The following SLAIN2 variants were observed in gnomAD, a reference collection of about 807,000 sequenced individuals.
The protein encoded by SLAIN2 is SLAIN family member 2, also known as SLAIN motif-containing protein 2.
SLAIN2 carries 31 observed loss-of-function variants against 56.6 expected under a neutral mutation model. The observed-to-expected ratio is 0.55, with a 90% CI of 0.41 to 0.74. SLAIN2 has a LOEUF of 0.74. Among genes scored for constraint, SLAIN2 ranks in the 30% least tolerant of loss-of-function variants. The pLI is 0.00. For synonymous variants in SLAIN2, 317 were observed against 284.9 expected (o/e 1.11, Z -1.13); for missense variants, 777 against 754.2 (o/e 1.03, Z -0.35).
chr4:48,372,037 CATATACATATATACAT>C (rs1210714290), intron 2 of SLAIN2, among the ~76,000 whole-genome samples: 1,604 of 138,912 alleles, frequency 0.012, 23 homozygotes, highest in African/African-American at 0.045. Context: ...CATATATATA[CATATACATATATACAT>C]ATATATATAT....
chr4:48,344,693 CTT>C (rs895231523), intron 1 of SLAIN2, among the ~76,000 whole-genome samples: 1 of 145,834 alleles, frequency 6.9e-6, no homozygotes, highest in African/African-American at 2.5e-5. Context: ...TCATACTCTT[CTT>C]TTTTTTTTTG....
At chr4:48,393,880 G>GA (rs1413699977) in intron 6 of SLAIN2, among the ~76,000 whole-genome samples, 1 of 151,920 alleles carries the variant, frequency 6.6e-6, no homozygotes, top group Non-Finnish European at 1.5e-5. Context: ...TAGGAGTTTG[G>GA]AAAAAAGCTT....
chr4:48,401,321 A>G (rs1471038463), intron 6 of SLAIN2, among the ~76,000 whole-genome samples: 5 of 152,068 alleles, frequency 3.3e-5, no homozygotes, highest in Non-Finnish European at 7.4e-5. Context: ...TTCAGGTCCT[A>G]ATATCTTTGT....
chr4:48,410,641 A>C (rs1177119790), intron 6 of SLAIN2, among the ~76,000 whole-genome samples: 1 of 152,044 alleles, frequency 6.6e-6, no homozygotes, highest in East Asian at 1.9e-4. Context: ...CGCTTGCAGT[A>C]TCCTGCCCTC....
rs1449447645 is a variant in SLAIN2 at position 48,424,875 on chromosome 4, A to AGG, written c.*2798_*2799insGG. The AGG allele has an allele frequency of 6.6e-6, 1 of 152,102 alleles. No individual in the cohort carries two copies. The highest frequency in any genetic ancestry group is 1.9e-4 in the East Asian group (1 of 5,206). 9.4% of individuals were successfully genotyped at this position (152,102 alleles called of 1,614,324 possible). A position where few individuals can be genotyped will look rare whatever the true frequency, so the allele number is the denominator to read the frequency against. ...GTATGTTTAAATTAACTTTTTATTG[A>AGG]ATGTACAGGTGTCCATTTTTGACGT... On this transcript the variant is annotated 3_prime_UTR_variant, in exon 8 of 8. Coordinates refer to ENST00000264313, the MANE Select transcript of SLAIN2 (RefSeq NM_020846.2).
chr4:48,342,038 C>G lies in SLAIN2; in HGVS notation c.299C>G (p.Ala100Gly), dbSNP rs1243976318. The G allele has an allele frequency of 2.1e-6, 3 of 1,395,666 alleles. No individual in the cohort carries two copies. The African/African-American group carries it at 4.6e-5, about 21-fold the overall frequency. The allele number at this position is 1,395,666 out of a possible 1,614,324, so 86.5% of individuals were successfully genotyped here. A position where few individuals can be genotyped will look rare whatever the true frequency, so the allele number is the denominator to read the frequency against. ...ELRDATSLLA[A>G]GEGGLLDEVE... Reference sequence around the variant, plus strand: ...CGGGACGCCACCTCCTTGCTAGCGGCGGGCGAGGGCGGCTTGCTGGACGAG... The same window carrying G: ...CGGGACGCCACCTCCTTGCTAGCGGGGGGCGAGGGCGGCTTGCTGGACGAG... The change falls in exon 1 of 8, where the codon GCG (alanine) becomes GGG (glycine). Residue 100 changes from alanine (A) to glycine (G), a missense_variant. Transcript: ENST00000264313.
chr4:48,356,431 G>T (rs190966033), intron 1 of SLAIN2, among the ~76,000 whole-genome samples: 4 of 152,228 alleles, frequency 2.6e-5, no homozygotes, highest in Admixed American at 1.3e-4. Flanking sequence ...TAGCTGAAAA[G>T]ATCTGTACTA....
chr4:48,415,358 T>C (rs1461212309), intron 6 of SLAIN2, among the ~76,000 whole-genome samples: 1 of 65,988 alleles, frequency 1.5e-5, no homozygotes, highest in Admixed American at 1.5e-4. Context: ...AAATGTCTTC[T>C]TTTGAGAAGT....
At chr4:48,375,440 G>T (rs887901419) in intron 2 of SLAIN2, among the ~76,000 whole-genome samples, 4 of 152,068 alleles carry the variant, frequency 2.6e-5, no homozygotes, top group African/African-American at 9.7e-5. Flanking sequence ...ATTTCATTCA[G>T]CTGATTTCTT....
intron 2 of SLAIN2, among the ~76,000 whole-genome samples, chr4:48,375,757 T>C (rs1284783109): frequency 6.6e-6 from 1 of 152,206 alleles, no homozygotes; most frequent in East Asian, 1.9e-4. Context: ...TTTATCTGTT[T>C]TGTCCCTGCC....
intron 6 of SLAIN2, among the ~76,000 whole-genome samples, chr4:48,392,713 T>C (rs1216309443): frequency 1.3e-5 from 2 of 152,092 alleles, no homozygotes; most frequent in African/African-American, 4.8e-5. Flanking sequence ...AAATCTTTCC[T>C]GATCACTCTA....
intron 3 of SLAIN2, 46 bp downstream of exon 3, chr4:48,378,106 T>C (rs1272381374): frequency 1.3e-6 from 2 of 1,553,258 alleles, no homozygotes; most frequent in African/African-American, 2.8e-5. Flanking sequence ...TTTTTTAGCT[T>C]ACTGCACTGT....
chr4:48,418,456 T>C (rs186383006), intron 6 of SLAIN2, among the ~76,000 whole-genome samples: 48 of 152,308 alleles, frequency 3.2e-4, no homozygotes, highest in African/African-American at 1.1e-3. Context: ...ATTACACTGA[T>C]TGATTTTCAA....
rs1175218277 is a variant in SLAIN2 at position 48,422,781 on chromosome 4, C to G, written c.*704C>G. The G allele has an allele frequency of 4.6e-5, 7 of 152,222 alleles. No individual in the cohort carries two copies. Among genetic ancestry groups the G allele is most frequent in the Non-Finnish European group, 1.0e-4 (7 of 68,032 alleles). 9.4% of individuals were successfully genotyped at this position (152,222 alleles called of 1,614,324 possible). ...ATGTATCCATCATGTTGCATTGACA[C>G]ATCAAACTTGTGTGTGTTTGTTTTG... On this transcript the variant is annotated 3_prime_UTR_variant, in exon 8 of 8. Transcript: ENST00000264313.
At chr4:48,407,922 C>T (rs2109781940) in intron 6 of SLAIN2, among the ~76,000 whole-genome samples, 1 of 152,302 alleles carries the variant, frequency 6.6e-6, no homozygotes, top group Admixed American at 6.5e-5. Context: ...CTATGTTGGA[C>T]ATTGGATATA....
intron 1 of SLAIN2, among the ~76,000 whole-genome samples, chr4:48,354,807 A>G (rs1715114285): frequency 6.6e-6 from 1 of 152,170 alleles, no homozygotes; most frequent in Non-Finnish European, 1.5e-5. Context: ...AATGATTATG[A>G]ATTAAAATAG....
Position 48,425,357 on chromosome 4 carries a change from A to G in SLAIN2, c.*3280A>G, listed in dbSNP as rs2109795475. The stretch of plus-strand genomic sequence containing the variant: ...ATAACTATGTATGGTATCTAGTTAG[A>G]AAAAAACAAGCAAAAAGCTATTATG... On this transcript the variant is annotated 3_prime_UTR_variant, in exon 8 of 8. Coordinates refer to ENST00000264313, the MANE Select transcript of SLAIN2 (RefSeq NM_020846.2). The G allele has an allele frequency of 6.6e-6, 1 of 152,244 alleles. No individual in the cohort carries two copies. The highest frequency in any genetic ancestry group is 6.5e-5 in the Admixed American group (1 of 15,294). 9.4% of individuals were successfully genotyped at this position (152,244 alleles called of 1,614,324 possible). A position where few individuals can be genotyped will look rare whatever the true frequency, so the allele number is the denominator to read the frequency against.
intron 3 of SLAIN2, among the ~76,000 whole-genome samples, chr4:48,378,872 T>C (rs1715897978): frequency 6.6e-6 from 1 of 152,186 alleles, no homozygotes; most frequent in Non-Finnish European, 1.5e-5. Context: ...ACTCTGCTCT[T>C]TTTTCATTAA....
chr4:48,344,584 A>G (rs1714814665), intron 1 of SLAIN2, among the ~76,000 whole-genome samples: 2 of 152,244 alleles, frequency 1.3e-5, no homozygotes, highest in Non-Finnish European at 2.9e-5. Context: ...TGTTTTGAAC[A>G]TAGTAAATCT....
Sources: allele counts gnomAD v4.1 joint callset (sites outside exome capture counted in the v4.1 genomes callset), GRCh38; gene constraint gnomAD v4.1.1; transcripts MANE v1.5; gene names NCBI Gene and HGNC (gene_info 2026-07-23, HGNC 2026-07-21).